KALRN: variants seen among roughly 807,000 people sequenced by gnomAD.
The protein encoded by KALRN is kalirin.
In KALRN, 70 loss-of-function variants were observed where a neutral mutation model predicts 353.7. That is an observed-to-expected ratio of 0.20 (90% CI 0.16 to 0.24). The LOEUF is 0.24. KALRN is among the 10% of genes least tolerant of loss of function. The probability of loss-of-function intolerance (pLI) is 1.00; values close to 1 mark genes in which losing one functional copy is unlikely to be tolerated. For synonymous variants in KALRN, 1,391 were observed against 1,434.8 expected (o/e 0.97, Z 0.69); for missense variants, 2,791 against 3,756.7 (o/e 0.74, Z 6.72).
chr3:124,502,936 C>T (rs560141697), intron 33 of KALRN, among the ~76,000 whole-genome samples: 116 of 152,270 alleles, frequency 7.6e-4, no homozygotes, highest in African/African-American at 2.6e-3. Flanking sequence ...CATCCAAGAC[C>T]GGGTCTCCAG....
intron 12 of KALRN, 108 bp downstream of exon 12, chr3:124,395,451 C>T (rs962906275): frequency 1.3e-5 from 11 of 826,932 alleles, no homozygotes; most frequent in African/African-American, 5.1e-5. Flanking sequence ...CTTGTGTGAG[C>T]TTCGGTTTCT....
chr3:124,491,277 A>C, intron 30 of KALRN, 46 bp from the exon 31 acceptor site: 2 of 1,322,524 alleles, frequency 1.5e-6, no homozygotes, highest in Non-Finnish European at 2.1e-6. Context: ...AAGTTTCCCC[A>C]CTGCCCTCCC....
intron 21 of KALRN, among the ~76,000 whole-genome samples, chr3:124,454,621 G>A (rs138745521): frequency 1.3e-4 from 20 of 151,838 alleles, no homozygotes; most frequent in East Asian, 5.8e-4. Flanking sequence ...TCAGCCCTCC[G>A]TATCTACAGG....
intron 1 of KALRN, among the ~76,000 whole-genome samples, chr3:124,043,784 T>C (rs1703260513): frequency 6.6e-6 from 1 of 152,138 alleles, no homozygotes; most frequent in South Asian, 2.1e-4. Context: ...AAAGTGCTGG[T>C]GGCTTTCTTT....
intron 38 of KALRN, among the ~76,000 whole-genome samples, chr3:124,654,108 C>T (rs757209342): frequency 1.3e-5 from 2 of 152,342 alleles, no homozygotes; most frequent in Non-Finnish European, 2.9e-5. Flanking sequence ...CTCCCAGCCC[C>T]ATATTCCCAC....
chr3:124,269,014 C>G lies in KALRN; in HGVS notation c.728C>G (p.Pro243Arg), dbSNP rs1453781646. The G allele has an allele frequency of 6.2e-7, 1 of 1,613,736 alleles. No individual in the cohort carries two copies. The change falls in exon 5 of 60, where the codon CCT becomes CGT. Residue 243 changes from proline (P) to arginine (R), a missense_variant. Physicochemically the swap from Pro to Arg is moderately radical, Grantham distance 103. This residue lies in a region of KALRN where 366 missense variants were observed against 489.2 expected (regional missense o/e 0.75). Coordinates refer to ENST00000682506, the MANE Select transcript of KALRN (RefSeq NM_001388419.1). ...CTCAAGAAAAAGGTGCTGAAGGCCC[C>G]TGTGGAGGAGCTGGACCGGGAGGGG... ...TQLKKKVLKA[P>R]VEELDREGQR...
chr3:124,087,840 T>C (rs1431986294), intron 1 of KALRN, among the ~76,000 whole-genome samples: 1 of 152,182 alleles, frequency 6.6e-6, no homozygotes, highest in African/African-American at 2.4e-5. Flanking sequence ...AACAGTTGTA[T>C]CTATTATTGA....
chr3:124,212,137 A>G (rs2076953725), intron 1 of KALRN, among the ~76,000 whole-genome samples: 1 of 152,076 alleles, frequency 6.6e-6, no homozygotes, highest in African/African-American at 2.4e-5. Flanking sequence ...AGTTTGGGAT[A>G]TTTTTTTCAC....
At chr3:124,190,845 C>G (rs2074821071) in intron 1 of KALRN, among the ~76,000 whole-genome samples, 2 of 152,198 alleles carry the variant, frequency 1.3e-5, no homozygotes, top group South Asian at 4.1e-4. Context: ...AAATTCAATT[C>G]TGACATTATC....
intron 9 of KALRN, among the ~76,000 whole-genome samples, chr3:124,339,517 G>A (rs1440363869): frequency 6.6e-6 from 1 of 152,206 alleles, no homozygotes; most frequent in Admixed American, 6.5e-5. Flanking sequence ...AGTGGTGCCT[G>A]CATGCTCTCC....
chr3:124,557,569 G>A (rs1185773034), intron 33 of KALRN, among the ~76,000 whole-genome samples: 3 of 152,184 alleles, frequency 2.0e-5, no homozygotes, highest in Admixed American at 6.5e-5. Context: ...CCTTGAAACT[G>A]TGCCAAGTAG....
intron 51 of KALRN, among the ~76,000 whole-genome samples, chr3:124,687,609 C>T (rs2061622215): frequency 6.6e-6 from 1 of 151,752 alleles, no homozygotes; most frequent in Non-Finnish European, 1.5e-5. Context: ...CACATGGACA[C>T]ATATAGAGAC....
intron 1 of KALRN, among the ~76,000 whole-genome samples, chr3:124,212,719 G>T (rs2150520904): frequency 6.6e-6 from 1 of 152,156 alleles, no homozygotes; most frequent in South Asian, 2.1e-4. Flanking sequence ...AATTTTACTT[G>T]CACTAATGGG....
intron 51 of KALRN, among the ~76,000 whole-genome samples, chr3:124,689,129 G>A (rs1297551461): frequency 6.6e-6 from 1 of 152,200 alleles, no homozygotes; most frequent in Admixed American, 6.5e-5. Context: ...CTCTTGTGCT[G>A]TTTCACAGAG....
intron 25 of KALRN, among the ~76,000 whole-genome samples, chr3:124,468,010 G>A (rs11714880): frequency 7.2e-5 from 11 of 151,918 alleles, no homozygotes; most frequent in Admixed American, 2.6e-4. Context: ...AGAGGCCCTA[G>A]GGAAAGGGGA....
chr3:124,519,045 CT>C, intron 33 of KALRN: 5 of 986,024 alleles, frequency 5.1e-6, no homozygotes, highest in Non-Finnish European at 6.0e-6. Flanking sequence ...GCAACAACCA[CT>C]TCCTCAACAA....
At chr3:124,092,401 A>G (rs934161820) in intron 1 of KALRN, among the ~76,000 whole-genome samples, 3 of 152,214 alleles carry the variant, frequency 2.0e-5, no homozygotes, top group African/African-American at 4.8e-5. Flanking sequence ...GTTGTGTTAG[A>G]AAAAGCCTTT....
At chr3:124,298,694 A>C (rs2077037135) in intron 5 of KALRN, 97 bp from the exon 6 acceptor site, 1 of 1,382,914 alleles carries the variant, frequency 7.2e-7, no homozygotes, top group East Asian at 2.3e-5. Context: ...ACTGAGCACC[A>C]GCAGGAGAGC....
intron 3 of KALRN, among the ~76,000 whole-genome samples, chr3:124,262,984 A>T (rs1487395560): frequency 6.6e-6 from 1 of 152,242 alleles, no homozygotes; most frequent in Non-Finnish European, 1.5e-5. Flanking sequence ...ATTATAAAAT[A>T]AACGGATTGG....
Sources: gnomAD v4.1 joint callset for allele counts (sites outside exome capture counted in the v4.1 genomes callset) on GRCh38, gnomAD v4.1.1 for gene constraint, gnomAD v4.1.1 regional missense constraint, MANE v1.5 for transcripts, NCBI Gene and HGNC (gene_info 2026-07-23, HGNC 2026-07-21) for gene names.